Variants in CD9 observed in about 807,000 individuals in gnomAD.
CD9 encodes CD9 molecule.
Under a neutral mutation model 31.4 loss-of-function variants are expected in CD9, and 10 were observed. The ratio of observed to expected loss-of-function variants is 0.32; its 90% CI spans 0.20 to 0.54. CD9 has a LOEUF of 0.54. Among genes scored for constraint, CD9 ranks in the 20% least tolerant of loss-of-function variants. The probability of loss-of-function intolerance (pLI) is 0.94; values close to 1 mark genes in which losing one functional copy is unlikely to be tolerated. For missense variants in CD9, 259 were observed against 300.1 expected, an observed-to-expected ratio of 0.86 and a Z score of 1.01; for synonymous variants, 113 against 114.1, an observed-to-expected ratio of 0.99 and a Z score of 0.06.
At chr12:6,217,600 C>CT (rs1357358131) in intron 1 of CD9, among the ~76,000 whole-genome samples, 1 of 152,316 alleles carries the variant, frequency 6.6e-6, no homozygotes, top group East Asian at 1.9e-4. Flanking sequence ...GGTGGCACAG[C>CT]TGTGCAGGCA....
chr12:6,223,253 C>G (rs544858393), intron 1 of CD9, among the ~76,000 whole-genome samples: 1,551 of 144,150 alleles, frequency 0.011, 14 homozygotes, highest in South Asian at 0.017. Flanking sequence ...GAAGGTATCA[C>G]CTTTGTACTT....
chr12:6,230,677 T>C (rs1946432305), intron 2 of CD9, among the ~76,000 whole-genome samples: 1 of 152,206 alleles, frequency 6.6e-6, no homozygotes, highest in South Asian at 2.1e-4. Context: ...GAGGCTGCCC[T>C]CTTACCCAGT....
chr12:6,206,929 T>C (rs1946139066), intron 1 of CD9, among the ~76,000 whole-genome samples: 1 of 151,914 alleles, frequency 6.6e-6, no homozygotes, highest in African/African-American at 2.4e-5. Flanking sequence ...TTTTCTCCAT[T>C]GCCCAGGCTG....
rs77249075 is a variant in CD9 at position 6,235,161 on chromosome 12, A to G, written c.349-68A>G. 23 of 1,139,956 alleles carry G rather than the reference A, an allele frequency of 2.0e-5. No homozygotes were observed. In the Admixed American group the frequency reaches 3.4e-4, roughly 17 times the overall value. 70.6% of individuals were successfully genotyped at this position (1,139,956 alleles called of 1,614,324 possible). A position where few individuals can be genotyped will look rare whatever the true frequency, so the allele number is the denominator to read the frequency against. ...GCTTAGAGAGAACAAGATGGAACGC[A>G]TAACATTTGTTCGTGGAGGAAGATG... On this transcript the variant is annotated intron_variant, in intron 4 of 7. Coordinates refer to ENST00000009180, the MANE Select transcript of CD9 (RefSeq NM_001769.4).
chr12:6,219,070 A>G (rs1409101476), intron 1 of CD9, among the ~76,000 whole-genome samples: 1 of 151,996 alleles, frequency 6.6e-6, no homozygotes, highest in Non-Finnish European at 1.5e-5. Flanking sequence ...CAGTGGCTCA[A>G]TCTCCGCTCA....
In CD9 at chr12:6,210,917, A is replaced by G. The variant is rs143915946; in HGVS notation, c.66+10352A>G. On this transcript the variant is annotated intron_variant, in intron 1 of 7. Coordinates refer to ENST00000009180, the MANE Select transcript of CD9 (RefSeq NM_001769.4). ...AGTGGCGTGGTCTTGGGTCACTGCA[A>G]CCTCTGCCTCCTGGGTTCAAGCGAT... 2.2e-3 allele frequency among the ~76,000 whole-genome samples: 327 copies of G among 150,372 alleles called. 8 individuals are homozygous for G. In the East Asian group the frequency reaches 0.033, roughly 15 times the overall value.
chr12:6,237,668 T>G (rs953212677), intron 7 of CD9, 95 bp from the exon 8 acceptor site: 22 of 889,856 alleles, frequency 2.5e-5, no homozygotes, highest in Non-Finnish European at 3.8e-5. Flanking sequence ...CTCCTTGTCA[T>G]TTTTCTTGGA....
intron 1 of CD9, among the ~76,000 whole-genome samples, chr12:6,207,975 A>T (rs1946151021): frequency 6.6e-6 from 1 of 152,184 alleles, no homozygotes; most frequent in Admixed American, 6.5e-5. Context: ...CTATAATCCC[A>T]GCATTTTGGG....
At chr12:6,231,872 A>T (rs976946536) in intron 2 of CD9, among the ~76,000 whole-genome samples, 4 of 152,306 alleles carry the variant, frequency 2.6e-5, no homozygotes, top group African/African-American at 9.6e-5. Flanking sequence ...TTCCAGGAAC[A>T]TACCTCTTTA....
Position 6,235,308 on chromosome 12 carries a change from T to C in CD9, c.428T>C (p.Leu143Pro). ...KTKDEPQRETLKAIHYALNCC... is the reference protein window; with the variant it reads ...KTKDEPQRETPKAIHYALNCC... ...AAGGATGAGCCCCAGCGGGAAACGC[T>C]GAAAGCCATCCACTATGCGGTATGT... The change falls in exon 5 of 8, where the codon CTG becomes CCG. Residue 143 changes from leucine to proline, a missense_variant. Leu to Pro is a moderately conservative substitution (Grantham distance 98). Transcript: ENST00000009180. The C allele has an allele frequency of 6.2e-7, 1 of 1,614,232 alleles. No homozygotes were observed. The highest frequency in any genetic ancestry group is 8.5e-7 in the Non-Finnish European group (1 of 1,180,010).
At chr12:6,236,693 G>T (rs968693403) in intron 7 of CD9, 1 of 399,298 alleles carries the variant, frequency 2.5e-6, no homozygotes, top group Non-Finnish European at 4.4e-6. Flanking sequence ...CCAGAAGGAG[G>T]TCTCTCGCTA....
At chr12:6,234,531 G>A (rs931620845) in intron 4 of CD9, 3 of 152,116 alleles carry the variant, frequency 2.0e-5, no homozygotes, top group Non-Finnish European at 4.4e-5. Flanking sequence ...AATAGGAGGG[G>A]ATCATTGTGA....
intron 1 of CD9, among the ~76,000 whole-genome samples, chr12:6,209,905 G>A (rs1289111092): frequency 6.6e-6 from 1 of 152,030 alleles, no homozygotes; most frequent in African/African-American, 2.4e-5. Context: ...GGCTGGTCTC[G>A]AACTGCTGAC....
At chr12:6,233,694 G>A (rs927831356) in intron 4 of CD9, among the ~76,000 whole-genome samples, 2 of 152,126 alleles carry the variant, frequency 1.3e-5, no homozygotes, top group South Asian at 4.2e-4. Context: ...GATTGTGCCA[G>A]CCATGGTGTT....
At chr12:6,211,151 T>C (rs897675584) in intron 1 of CD9, among the ~76,000 whole-genome samples, 28 of 152,172 alleles carry the variant, frequency 1.8e-4, no homozygotes, top group Admixed American at 7.9e-4. Flanking sequence ...AACTTAACTT[T>C]TGTGCCCCAG....
At chr12:6,219,066 C>T (rs1183439386) in intron 1 of CD9, among the ~76,000 whole-genome samples, 1 of 152,086 alleles carries the variant, frequency 6.6e-6, no homozygotes. Flanking sequence ...AGTGCAGTGG[C>T]TCAATCTCCG....
At chr12:6,208,607 T>G (rs975165875) in intron 1 of CD9, among the ~76,000 whole-genome samples, 13 of 152,186 alleles carry the variant, frequency 8.5e-5, no homozygotes, top group Non-Finnish European at 1.8e-4. Context: ...GTTTCACTCT[T>G]GTTGCCCAGG....
chr12:6,200,815 T>C (rs941040613), intron 1 of CD9: 8 of 429,820 alleles, frequency 1.9e-5, no homozygotes, highest in Non-Finnish European at 3.3e-5. Context: ...CCGGGCCCTC[T>C]TGAGATGAGG....
chr12:6,209,679 C>CTTT (rs71064199), intron 1 of CD9, among the ~76,000 whole-genome samples: 1,598 of 132,528 alleles, frequency 0.012, 54 homozygotes, highest in African/African-American at 0.044. Flanking sequence ...CTGCAAATTT[C>CTTT]TTTTTTTTTT....
Sources: gnomAD v4.1 joint callset for allele counts (sites outside exome capture counted in the v4.1 genomes callset) on GRCh38, gnomAD v4.1.1 for gene constraint, MANE v1.5 for transcripts, NCBI Gene and HGNC (gene_info 2026-07-23, HGNC 2026-07-21) for gene names.